Variants in ACTG2 observed in about 807,000 individuals in gnomAD.
ACTG2 encodes the protein actin, gamma-enteric smooth muscle.
ACTG2 carries 16 observed loss-of-function variants against 37.6 expected under a neutral mutation model. The observed-to-expected ratio is 0.43, with a 90% CI of 0.29 to 0.65. The LOEUF (loss-of-function observed/expected upper bound fraction) is 0.65, where lower values mean the gene tolerates loss of function less well. Among genes scored for constraint, ACTG2 ranks in the 30% least tolerant of loss-of-function variants. The pLI, the probability that ACTG2 is intolerant of heterozygous loss-of-function variation, is 0.18. For synonymous variants in ACTG2, 181 were observed against 179.9 expected (o/e 1.01, Z -0.05); for missense variants, 238 against 490.9 (o/e 0.48, Z 4.87).
intron 3 of ACTG2, among the ~76,000 whole-genome samples, chr2:73,905,543 A>T (rs533023617): frequency 6.6e-6 from 1 of 152,294 alleles, no homozygotes; most frequent in South Asian, 2.1e-4. Context: ...AAAAATTTAA[A>T]CTCATTTGAA....
At chr2:73,903,919 G>A (rs1198599518) in intron 3 of ACTG2, among the ~76,000 whole-genome samples, 2 of 129,628 alleles carry the variant, frequency 1.5e-5, no homozygotes, top group East Asian at 5.0e-4. Context: ...CACTGTGGGT[G>A]ACAGAGTGAG....
chr2:73,912,359 T>C (rs1368975685), intron 5 of ACTG2, among the ~76,000 whole-genome samples: 1 of 152,214 alleles, frequency 6.6e-6, no homozygotes, highest in Non-Finnish European at 1.5e-5. Context: ...GGTTTCACCA[T>C]GTTGGCCAGC....
At chr2:73,896,288 G>T (rs1325600920) in intron 1 of ACTG2, among the ~76,000 whole-genome samples, 1 of 150,348 alleles carries the variant, frequency 6.7e-6, no homozygotes, top group Non-Finnish European at 1.5e-5. Flanking sequence ...CAAGCCTGCA[G>T]TGAGCTTGAT....
intron 7 of ACTG2, among the ~76,000 whole-genome samples, chr2:73,915,781 A>G (rs1407350620): frequency 1.3e-5 from 2 of 152,206 alleles, no homozygotes; most frequent in African/African-American, 4.8e-5. Flanking sequence ...AGCCACACAC[A>G]GAAGACCATA....
chr2:73,902,791 T>A (rs2104808105), intron 3 of ACTG2: 1 of 1,539,462 alleles, frequency 6.5e-7, no homozygotes, highest in Non-Finnish European at 8.8e-7. Flanking sequence ...ACTCACCTCC[T>A]CAGAAATCTT....
chr2:73,901,259 C>A lies in ACTG2; in HGVS notation c.-36-17C>A. 6.7e-7 allele frequency: 1 copy of A among 1,494,862 alleles called. No individual in the cohort carries two copies. The highest frequency in any genetic ancestry group is 9.0e-7 in the Non-Finnish European group (1 of 1,114,416). The allele number at this position is 1,494,862 out of a possible 1,614,324, so 92.6% of individuals were successfully genotyped here. A position where few individuals can be genotyped will look rare whatever the true frequency, so the allele number is the denominator to read the frequency against. On this transcript the variant is annotated splice_polypyrimidine_tract_variant and intron_variant, in intron 1 of 8. Coordinates refer to ENST00000345517, the MANE Select transcript of ACTG2 (RefSeq NM_001615.4). The stretch of plus-strand genomic sequence containing the variant: ...TGACAAGTGGCTGACTAGTTCTCTT[C>A]TCCCGCAAATCCCAAGGTGCTCCAG...
At chr2:73,896,883 T>A (rs569961402) in intron 1 of ACTG2, 1 of 152,318 alleles carries the variant, frequency 6.6e-6, no homozygotes, top group African/African-American at 2.4e-5. Context: ...GAAACCACAG[T>A]GACTTTGACT....
At chr2:73,911,647 C>G (rs1317652094) in intron 5 of ACTG2, among the ~76,000 whole-genome samples, 1 of 152,144 alleles carries the variant, frequency 6.6e-6, no homozygotes, top group Non-Finnish European at 1.5e-5. Context: ...TCACCACAAA[C>G]ACGTGAATAA....
intron 1 of ACTG2, among the ~76,000 whole-genome samples, chr2:73,898,560 T>C (rs1397067133): frequency 6.6e-6 from 1 of 150,796 alleles, no homozygotes; most frequent in Admixed American, 6.6e-5. Context: ...ATTCGTAGAA[T>C]AAGTATTTTC....
chr2:73,914,720 C>T lies in ACTG2; in HGVS notation c.654C>T (p.Cys218=), dbSNP rs201215277. The T allele has an allele frequency of 3.1e-6, 5 of 1,608,764 alleles. No individual in the cohort carries two copies. Among genetic ancestry groups the T allele is most frequent in the Non-Finnish European group, 4.2e-6 (5 of 1,177,376 alleles). Residue 218 remains cysteine (C), a synonymous_variant, in exon 7 of 9, where the codon TGC becomes TGT. Transcript: ENST00000345517. ...EIVRDIKEKL[C]YVALDFENEM... ...TGCGAGACATCAAGGAGAAGCTGTG[C>T]TATGTGGCCCTGGATTTTGAGAATG... is the stretch of plus-strand genomic sequence containing the variant.
At chr2:73,917,338 T>C (rs1464466266) in intron 8 of ACTG2, among the ~76,000 whole-genome samples, 1 of 152,218 alleles carries the variant, frequency 6.6e-6, no homozygotes, top group East Asian at 1.9e-4. Context: ...AGAGTGGATG[T>C]TTGGTCATAG....
At chr2:73,911,233 C>T (rs1680128857) in intron 5 of ACTG2, among the ~76,000 whole-genome samples, 1 of 152,152 alleles carries the variant, frequency 6.6e-6, no homozygotes, top group Non-Finnish European at 1.5e-5. Context: ...GTGGCTTATG[C>T]CTGTAATCCC....
chr2:73,900,430 G>A (rs1240809868), intron 1 of ACTG2, among the ~76,000 whole-genome samples: 2 of 152,260 alleles, frequency 1.3e-5, no homozygotes, highest in African/African-American at 4.8e-5. Flanking sequence ...GAGAAAGAAA[G>A]AATGCGTGCA....
chr2:73,905,555 C>CA (rs1350088414), intron 3 of ACTG2, among the ~76,000 whole-genome samples: 6 of 151,868 alleles, frequency 4.0e-5, no homozygotes, highest in African/African-American at 2.4e-5. Flanking sequence ...TCATTTGAAA[C>CA]AAAAAAATTG....
In ACTG2 at chr2:73,902,342, C is replaced by A; in HGVS notation, c.127-18C>A. On this transcript the variant is annotated intron_variant, in intron 2 of 8. Transcript: ENST00000345517. Reference sequence around the variant, plus strand: ...GCCCTCAGCCATTCATTTCTCTTTTCTTCTTTTTGCATTGCAGGGTGTGAT... The same window carrying A: ...GCCCTCAGCCATTCATTTCTCTTTTATTCTTTTTGCATTGCAGGGTGTGAT... The A allele has an allele frequency of 3.7e-6, 6 of 1,612,780 alleles. No homozygotes were observed. The highest frequency in any genetic ancestry group is 1.7e-4 in the Middle Eastern group (1 of 5,894).
intron 7 of ACTG2, among the ~76,000 whole-genome samples, chr2:73,915,966 T>G (rs1680258063): frequency 1.3e-5 from 2 of 152,198 alleles, no homozygotes; most frequent in South Asian, 4.1e-4. Context: ...AATTAGATTT[T>G]GGTGATGTTT....
chr2:73,908,947 A>G, intron 4 of ACTG2, 108 bp from the exon 5 acceptor site: 1 of 1,296,386 alleles, frequency 7.7e-7, no homozygotes, highest in Non-Finnish European at 1.1e-6. Context: ...ATAATGAACT[A>G]TCAAACTGGC....
chr2:73,907,632 C>G (rs908685154), intron 3 of ACTG2, among the ~76,000 whole-genome samples: 1 of 152,166 alleles, frequency 6.6e-6, no homozygotes, highest in African/African-American at 2.4e-5. Flanking sequence ...CAGGCAGGCG[C>G]TACCATGCCT....
chr2:73,900,280 G>A (rs1242641111), intron 1 of ACTG2, among the ~76,000 whole-genome samples: 1 of 152,174 alleles, frequency 6.6e-6, no homozygotes. Flanking sequence ...TCCCAGGGTA[G>A]GAGGCAATCT....
Sources: gnomAD v4.1 joint callset for allele counts (sites outside exome capture counted in the v4.1 genomes callset) on GRCh38, gnomAD v4.1.1 for gene constraint, MANE v1.5 for transcripts, NCBI Gene and HGNC (gene_info 2026-07-23, HGNC 2026-07-21) for gene names.